TAFA1: variants seen among roughly 807,000 people sequenced by gnomAD.
TAFA1 encodes the protein TAFA chemokine like family member 1.
Under a neutral mutation model 18.5 loss-of-function variants are expected in TAFA1, and 4 were observed. That is an observed-to-expected ratio of 0.22 (90% CI 0.11 to 0.49). The LOEUF is 0.49. TAFA1 is among the 20% of genes least tolerant of loss of function. The pLI, the probability that TAFA1 is intolerant of heterozygous loss-of-function variation, is 0.98. For missense variants in TAFA1, 147 were observed against 169.0 expected, an observed-to-expected ratio of 0.87 and a Z score of 0.72; for synonymous variants, 56 against 55.2, an observed-to-expected ratio of 1.01 and a Z score of -0.06.
intron 2 of TAFA1, among the ~76,000 whole-genome samples, chr3:68,160,858 C>T (rs979799667): frequency 3.3e-5 from 5 of 152,170 alleles, no homozygotes; most frequent in African/African-American, 1.2e-4. Flanking sequence ...AACCGCAGAG[C>T]CCATGCTGCC....
rs576141441 is a variant in TAFA1, at chr3:68,241,563, C to T, written c.119-175717C>T. 2.6e-4 allele frequency among the ~76,000 whole-genome samples: 40 copies of T among 152,254 alleles called. 2 individuals carry two copies. Among genetic ancestry groups the T allele is most frequent in the South Asian group, 1.5e-3 (7 of 4,822 alleles). On this transcript the variant is annotated intron_variant, in intron 2 of 4. Transcript: ENST00000478136. ...AAATCCTGAACTCCAGCTAAGTGTG[C>T]TTTTCCTAGGCTGTATGAAGTCACT...
chr3:68,384,231 G>C (rs1313275088), intron 2 of TAFA1, among the ~76,000 whole-genome samples: 1 of 151,826 alleles, frequency 6.6e-6, no homozygotes, highest in African/African-American at 2.4e-5. Flanking sequence ...CTCTGGGATT[G>C]GTTTGCTCTT....
Position 68,062,191 on chromosome 3 carries a change from G to A in TAFA1, c.118+55447G>A, listed in dbSNP as rs373698931. Among the ~76,000 whole-genome samples, 43 of 152,232 alleles carry A rather than the reference G, an allele frequency of 2.8e-4. No individual in the cohort carries two copies. In the South Asian group the frequency reaches 8.1e-3, roughly 29 times the overall value. ...AACCAAGCTATTTCTGGGGTTGGGA[G>A]GAGGTAGGTAATATAGACTATCAAG... On this transcript the variant is annotated intron_variant, in intron 2 of 4. Coordinates refer to ENST00000478136, the MANE Select transcript of TAFA1 (RefSeq NM_213609.4).
intron 2 of TAFA1, among the ~76,000 whole-genome samples, chr3:68,042,617 C>A (rs1705188792): frequency 6.6e-6 from 1 of 152,116 alleles, no homozygotes; most frequent in African/African-American, 2.4e-5. Flanking sequence ...CCATTGCAGT[C>A]CAGACTGGGC....
At position 68,106,450 on chromosome 3, in the gene TAFA1, A is replaced by G. The variant is rs1000221730; in HGVS notation, c.118+99706A>G. The stretch of plus-strand genomic sequence containing the variant: ...TTTGATTTGATTTAATTTAAATTTA[A>G]GGCACCATATGTGACTGGTGATTGT... On this transcript the variant is annotated intron_variant, in intron 2 of 4. Coordinates refer to ENST00000478136, the MANE Select transcript of TAFA1 (RefSeq NM_213609.4). Among the ~76,000 whole-genome samples the G allele has an allele frequency of 1.1e-4, 16 of 152,150 alleles. No individual in the cohort carries two copies. The South Asian group carries it at 3.1e-3, about 30-fold the overall frequency.
chr3:68,320,191 A>G (rs545307200), intron 2 of TAFA1, among the ~76,000 whole-genome samples: 49 of 152,304 alleles, frequency 3.2e-4, no homozygotes, highest in Non-Finnish European at 5.9e-4. Flanking sequence ...TGAAGATTAA[A>G]ATAACATTTT....
intron 2 of TAFA1, among the ~76,000 whole-genome samples, chr3:68,087,486 G>A (rs1002115663): frequency 5.3e-5 from 8 of 151,712 alleles, no homozygotes; most frequent in African/African-American, 1.9e-4. Context: ...TTTAGAAAAT[G>A]TCCTCAGGAT....
chr3:68,134,399 T>G (rs1052310225), intron 2 of TAFA1, among the ~76,000 whole-genome samples: 21 of 152,128 alleles, frequency 1.4e-4, no homozygotes, highest in African/African-American at 4.8e-4. Flanking sequence ...TACACGTACA[T>G]ATGGTTGTTT....
Position 68,157,740 on chromosome 3 carries a change from C to T in TAFA1, c.118+150996C>T, listed in dbSNP as rs564759388. ...AATAGGGCTGGCTTCTTCAGTTTAT[C>T]TCCAAATAGCTCTGGCTACAAATTT... On this transcript the variant is annotated intron_variant, in intron 2 of 4. Transcript: ENST00000478136. Among the ~76,000 whole-genome samples the T allele has an allele frequency of 2.6e-5, 4 of 152,158 alleles. No homozygotes were observed. In the South Asian group the frequency reaches 8.3e-4, roughly 32 times the overall value.
intron 2 of TAFA1, among the ~76,000 whole-genome samples, chr3:68,335,212 A>C (rs1468594088): frequency 6.6e-6 from 1 of 152,210 alleles, no homozygotes; most frequent in Non-Finnish European, 1.5e-5. Flanking sequence ...AGACTGATAG[A>C]ATTTGCAGCT....
intron 3 of TAFA1, among the ~76,000 whole-genome samples, chr3:68,426,681 A>G (rs1036776864): frequency 1.3e-5 from 2 of 151,922 alleles, no homozygotes; most frequent in Non-Finnish European, 2.9e-5. Context: ...AAACTCAATT[A>G]GTTAGCCACT....
At chr3:68,021,855 C>T (rs1037936101) in intron 2 of TAFA1, among the ~76,000 whole-genome samples, 1 of 152,048 alleles carries the variant, frequency 6.6e-6, no homozygotes, top group Non-Finnish European at 1.5e-5. Flanking sequence ...GTTTCAGGGT[C>T]TCCTAAGAAT....
chr3:68,504,764 A>C (rs947304835), intron 3 of TAFA1, among the ~76,000 whole-genome samples: 1 of 152,064 alleles, frequency 6.6e-6, no homozygotes, highest in Non-Finnish European at 1.5e-5. Flanking sequence ...CAAAAATATC[A>C]ATGTTCAGTA....
At chr3:68,379,858 T>G (rs537896174) in intron 2 of TAFA1, among the ~76,000 whole-genome samples, 1 of 152,168 alleles carries the variant, frequency 6.6e-6, no homozygotes, top group African/African-American at 2.4e-5. Context: ...GTTGGTGTGC[T>G]GCACCCATTA....
At chr3:68,386,429 C>G (rs1357056315) in intron 2 of TAFA1, among the ~76,000 whole-genome samples, 1 of 151,724 alleles carries the variant, frequency 6.6e-6, no homozygotes, top group Non-Finnish European at 1.5e-5. Context: ...TCTCTAGTAT[C>G]CTATGTAGAT....
At chr3:68,197,543 T>C (rs1263123499) in intron 2 of TAFA1, among the ~76,000 whole-genome samples, 1 of 151,382 alleles carries the variant, frequency 6.6e-6, no homozygotes, top group Non-Finnish European at 1.5e-5. Context: ...AGTGGCAACA[T>C]CTAATTATAA....
chr3:68,444,771 AATATATATATATATATATATATATATAT>A (rs55684696), intron 3 of TAFA1, among the ~76,000 whole-genome samples: 2 of 127,268 alleles, frequency 1.6e-5, no homozygotes, highest in Non-Finnish European at 3.3e-5. Flanking sequence ...GTTTCTACAA[AATATATATATATATATATATATATATAT>A]ATATATATAT....
intron 3 of TAFA1, among the ~76,000 whole-genome samples, chr3:68,467,855 C>T (rs2071919630): frequency 6.6e-6 from 1 of 152,142 alleles, no homozygotes; most frequent in East Asian, 1.9e-4. Flanking sequence ...ATCCAAAAGT[C>T]AGGTCCAGTT....
At chr3:68,429,981 G>A (rs1575859235) in intron 3 of TAFA1, among the ~76,000 whole-genome samples, 1 of 151,770 alleles carries the variant, frequency 6.6e-6, no homozygotes. Context: ...AATTATTTTT[G>A]GAGTATTGAC....
Sources: allele counts gnomAD v4.1 joint callset (sites outside exome capture counted in the v4.1 genomes callset), GRCh38; gene constraint gnomAD v4.1.1; transcripts MANE v1.5; gene names NCBI Gene and HGNC (gene_info 2026-07-23, HGNC 2026-07-21).